Variants in PYGO1 observed in about 807,000 individuals in gnomAD.
The protein encoded by PYGO1 is pygopus homolog 1.
A neutral mutation model predicts 29.5 loss-of-function variants in PYGO1; 6 were observed. That is an observed-to-expected ratio of 0.20 (90% CI 0.11 to 0.40). The LOEUF is 0.40. Among genes scored for constraint, PYGO1 ranks in the 10% least tolerant of loss-of-function variants. The pLI, the probability that PYGO1 is intolerant of heterozygous loss-of-function variation, is 1.00. For synonymous variants in PYGO1, 186 were observed against 180.5 expected (o/e 1.03, Z -0.24); for missense variants, 515 against 514.9 (o/e 1.00, Z 0.00).
At chr15:55,564,986 A>G (rs1313857349) in intron 1 of PYGO1, among the ~76,000 whole-genome samples, 1 of 152,132 alleles carries the variant, frequency 6.6e-6, no homozygotes, top group African/African-American at 2.4e-5. Context: ...GACCACCCAC[A>G]TTCCTTGATT....
In PYGO1 at chr15:55,540,815, A is replaced by T. The variant is rs1860610962; in HGVS notation, c.*5208T>A. ...GTTACTGCAAAAATACATGTCACCA[A>T]TGTGGAACACACTCAGATTTGTATA... On this transcript the variant is annotated 3_prime_UTR_variant, in exon 3 of 3. Transcript: ENST00000563719. 6.6e-6 allele frequency: 1 copy of T among 152,208 alleles called. No individual in the cohort carries two copies. Among genetic ancestry groups the T allele is most frequent in the South Asian group, 2.1e-4 (1 of 4,830 alleles). 9.4% of individuals were successfully genotyped at this position (152,208 alleles called of 1,614,324 possible). A position where few individuals can be genotyped will look rare whatever the true frequency, so the allele number is the denominator to read the frequency against.
rs71297645 is a variant in PYGO1, at chr15:55,567,197, C to CTTTTTTTTTTTTTTTTTTTTTTTT, written c.50-18226_50-18203dup. Among the ~76,000 whole-genome samples, 4 of 47,082 alleles carry CTTTTTTTTTTTTTTTTTTTTTTTT rather than the reference C, an allele frequency of 8.5e-5. 2 individuals carry two copies. Among genetic ancestry groups the CTTTTTTTTTTTTTTTTTTTTTTTT allele is most frequent in the Non-Finnish European group, 1.4e-4 (4 of 28,760 alleles). 30.9% of individuals were successfully genotyped at this position (47,082 alleles called of 152,430 possible). On this transcript the variant is annotated intron_variant, in intron 1 of 2. Transcript: ENST00000563719. Reference sequence around the variant, plus strand: ...ATATCTGTTCCTGTCTTTTGCCCACCTTTTTTTTTTTTTTTTTTTTTTTTT... The same window carrying CTTTTTTTTTTTTTTTTTTTTTTTT: ...ATATCTGTTCCTGTCTTTTGCCCACCTTTTTTTTTTTTTTTTTTTTTTTTTTTTTTTTTTTTTTTTTTTTTTTTT...
intron 1 of PYGO1, among the ~76,000 whole-genome samples, chr15:55,564,487 G>A (rs1352598040): frequency 6.6e-6 from 1 of 152,158 alleles, no homozygotes; most frequent in African/African-American, 2.4e-5. Context: ...AAAGTAGAGG[G>A]TAAAGTCCTC....
chr15:55,582,465 G>A (rs1271094607), intron 1 of PYGO1, among the ~76,000 whole-genome samples: 4 of 151,880 alleles, frequency 2.6e-5, no homozygotes, highest in Non-Finnish European at 4.4e-5. Flanking sequence ...CTACCTCTCT[G>A]ACTACTCCTT....
rs894948781 is a variant in PYGO1 at position 55,543,806 on chromosome 15, C to T, written c.*2217G>A. The T allele has an allele frequency of 4.6e-5, 7 of 152,128 alleles. No homozygotes were observed. Among genetic ancestry groups the T allele is most frequent in the Non-Finnish European group, 7.4e-5 (5 of 68,020 alleles). 9.4% of individuals were successfully genotyped at this position (152,128 alleles called of 1,614,324 possible). ...GGTAATAATAAATCATGATCTGATG[C>T]TACAACTAGGCATACAGCATACAGT... On this transcript the variant is annotated 3_prime_UTR_variant, in exon 3 of 3. Transcript: ENST00000563719.
chr15:55,558,863 C>A (rs1279150176), intron 1 of PYGO1, among the ~76,000 whole-genome samples: 1 of 151,778 alleles, frequency 6.6e-6, no homozygotes, highest in Admixed American at 6.6e-5. Context: ...AAATATTAGA[C>A]CTAAAACCAT....
In PYGO1 at chr15:55,545,338, T is replaced by C. The variant is rs546025083; in HGVS notation, c.*685A>G. ...GGAACGTACGTTATACCAACTTTAC[T>C]AATTGCAGTCAATTTTCAACTGATC... is the stretch of plus-strand genomic sequence containing the variant. On this transcript the variant is annotated 3_prime_UTR_variant, in exon 3 of 3. Transcript: ENST00000563719. 13 of 152,348 alleles carry C rather than the reference T, an allele frequency of 8.5e-5. No homozygotes were observed. Among genetic ancestry groups the C allele is most frequent in the African/African-American group, 3.1e-4 (13 of 41,594 alleles). 9.4% of individuals were successfully genotyped at this position (152,348 alleles called of 1,614,324 possible). A position where few individuals can be genotyped will look rare whatever the true frequency, so the allele number is the denominator to read the frequency against.
At chr15:55,577,765 C>CTTTT (rs71105898) in intron 1 of PYGO1, among the ~76,000 whole-genome samples, 3 of 120,756 alleles carry the variant, frequency 2.5e-5, no homozygotes, top group Non-Finnish European at 3.3e-5. Context: ...TACTAATCTA[C>CTTTT]TTTTTTTTTT....
intron 1 of PYGO1, among the ~76,000 whole-genome samples, chr15:55,580,469 T>C (rs1053448582): frequency 2.0e-5 from 3 of 152,210 alleles, no homozygotes; most frequent in Admixed American, 6.5e-5. Flanking sequence ...CTGATGTTAA[T>C]AGCAAACAGA....
chr15:55,579,908 G>A (rs1229774599), intron 1 of PYGO1, among the ~76,000 whole-genome samples: 1 of 151,934 alleles, frequency 6.6e-6, no homozygotes, highest in Non-Finnish European at 1.5e-5. Context: ...ATTCTTTTTT[G>A]AACATTGAGT....
At position 55,546,051 on chromosome 15, in the gene PYGO1, C is replaced by A. The variant is rs778231257; in HGVS notation, c.1232G>T (p.Gly411Val). ...AGCATCACTGCCCACTGCAGATGGA[C>A]CAAAAGTTTCTCTAGTACGCATTAA... The part of the protein sequence containing the change: ...VQLMRTRETF[G>V]PSAVGSDA Residue 411 changes from glycine (G) to valine (V), a missense_variant, in exon 3 of 3, where the codon GGT becomes GTT. Transcript: ENST00000563719. 1.2e-6 allele frequency: 2 copies of A among 1,612,360 alleles called. No homozygotes were observed. The highest frequency in any genetic ancestry group is 2.7e-5 in the African/African-American group (2 of 74,900).
intron 1 of PYGO1, among the ~76,000 whole-genome samples, chr15:55,552,763 C>CA (rs1337625400): frequency 6.6e-6 from 1 of 152,164 alleles, no homozygotes; most frequent in Non-Finnish European, 1.5e-5. Context: ...CAGGCACACA[C>CA]AGAGACCCAG....
intron 1 of PYGO1, among the ~76,000 whole-genome samples, chr15:55,552,373 A>AG (rs2058883094): frequency 1.3e-5 from 2 of 151,582 alleles, no homozygotes; most frequent in African/African-American, 4.8e-5. Context: ...AAAAAAAAAA[A>AG]AAAAAAAAAA....
chr15:55,564,768 C>A (rs1487066011), intron 1 of PYGO1, among the ~76,000 whole-genome samples: 5 of 152,200 alleles, frequency 3.3e-5, no homozygotes, highest in Non-Finnish European at 7.3e-5. Context: ...CATTGATAAT[C>A]TCTCAGTCTG....
chr15:55,568,488 T>G (rs1162926410), intron 1 of PYGO1, among the ~76,000 whole-genome samples: 2 of 152,150 alleles, frequency 1.3e-5, no homozygotes, highest in Non-Finnish European at 2.9e-5. Flanking sequence ...TTATAAATTC[T>G]AATAGCCTTT....
At position 55,557,538 on chromosome 15, in the gene PYGO1, A is replaced by C. The variant is rs1302196064; in HGVS notation, c.50-8543T>G. ...TACCAAAGCCTGGCAGAGACACAAC[A>C]AAAAAAGAGAATTTTAGACCAATCT... On this transcript the variant is annotated intron_variant, in intron 1 of 2. Coordinates refer to ENST00000563719, the MANE Select transcript of PYGO1 (RefSeq NM_001367806.1). Among the ~76,000 whole-genome samples the C allele has an allele frequency of 6.6e-5, 10 of 152,212 alleles. No individual in the cohort carries two copies. In the East Asian group the frequency reaches 1.9e-3, roughly 29 times the overall value.
At chr15:55,549,581 G>T (rs1165609266) in intron 1 of PYGO1, among the ~76,000 whole-genome samples, 3 of 152,124 alleles carry the variant, frequency 2.0e-5, no homozygotes, top group African/African-American at 7.2e-5. Flanking sequence ...AAAAATCCAT[G>T]TATAAATGCC....
At chr15:55,560,394 A>G (rs1038829517) in intron 1 of PYGO1, among the ~76,000 whole-genome samples, 4 of 152,138 alleles carry the variant, frequency 2.6e-5, no homozygotes, top group Non-Finnish European at 5.9e-5. Flanking sequence ...ACAACAACCA[A>G]GCAGAGAACA....
chr15:55,556,908 AAT>A (rs1308138743), intron 1 of PYGO1, among the ~76,000 whole-genome samples: 1 of 152,100 alleles, frequency 6.6e-6, no homozygotes, highest in Non-Finnish European at 1.5e-5. Context: ...GGAACAAATA[AAT>A]TCCTAGGCAC....
Sources: allele counts gnomAD v4.1 joint callset (sites outside exome capture counted in the v4.1 genomes callset), GRCh38; gene constraint gnomAD v4.1.1; transcripts MANE v1.5; gene names NCBI Gene and HGNC (gene_info 2026-07-23, HGNC 2026-07-21).